Variants in GGPS1 observed in about 807,000 individuals in gnomAD.
GGPS1 encodes geranylgeranyl diphosphate synthase 1.
A neutral mutation model predicts 28.1 loss-of-function variants in GGPS1; 15 were observed. The observed-to-expected ratio is 0.53, with a 90% CI of 0.36 to 0.82. GGPS1 has a LOEUF of 0.82. GGPS1 is among the 40% of genes least tolerant of loss of function. The pLI, the probability that GGPS1 is intolerant of heterozygous loss-of-function variation, is 0.01. For synonymous variants in GGPS1, 138 were observed against 122.4 expected, an observed-to-expected ratio of 1.13 and a Z score of -0.84; for missense variants, 284 against 348.3, an observed-to-expected ratio of 0.82 and a Z score of 1.47.
intron 1 of GGPS1, chr1:235,330,557 A>G (rs1675681000): frequency 6.6e-6 from 1 of 152,176 alleles, no homozygotes; most frequent in South Asian, 2.1e-4. Flanking sequence ...CATACCACTG[A>G]AAATGCTTGT....
chr1:235,331,813 C>T (rs1171595790), intron 1 of GGPS1, among the ~76,000 whole-genome samples: 1 of 152,166 alleles, frequency 6.6e-6, no homozygotes, highest in Non-Finnish European at 1.5e-5. Context: ...ACAGTGCATA[C>T]ATATGTAGAA....
intron 2 of GGPS1, among the ~76,000 whole-genome samples, chr1:235,337,366 G>A (rs554733898): frequency 1.3e-5 from 2 of 152,204 alleles, no homozygotes; most frequent in African/African-American, 2.4e-5. Context: ...TGGAAATAAT[G>A]TTTTAAGACA....
At chr1:235,339,914 T>G (rs1387160746) in intron 2 of GGPS1, among the ~76,000 whole-genome samples, 1 of 152,214 alleles carries the variant, frequency 6.6e-6, no homozygotes, top group African/African-American at 2.4e-5. Flanking sequence ...ATGGTTTTTA[T>G]CTATCATTCC....
upstream of GGPS1, chr1:235,327,259 C>CCGG (rs1558319625): frequency 1.5e-5 from 3 of 206,364 alleles, no homozygotes; most frequent in African/African-American, 2.3e-5. Context: ...CACAACAAGC[C>CCGG]CGGCGTCCGG....
upstream of GGPS1, chr1:235,327,617 T>A (rs1675420933): frequency 6.6e-6 from 1 of 152,202 alleles, no homozygotes; most frequent in South Asian, 2.1e-4. Flanking sequence ...ACACAGCGGC[T>A]GCGGGGGGTG....
intron 1 of GGPS1, chr1:235,329,484 G>A (rs1675616581): frequency 6.6e-6 from 1 of 152,390 alleles, no homozygotes; most frequent in Non-Finnish European, 1.5e-5. Flanking sequence ...TCTTTAGGGA[G>A]GGAAAGGAAG....
intron 2 of GGPS1, among the ~76,000 whole-genome samples, chr1:235,340,452 A>G (rs1676000965): frequency 6.6e-6 from 1 of 151,418 alleles, no homozygotes; most frequent in African/African-American, 2.4e-5. Flanking sequence ...TCAAAAAAAA[A>G]AGCAAGAAGC....
chr1:235,343,998 G>A lies in GGPS1; in HGVS notation c.*1226G>A, dbSNP rs1445595850. ...CTTTAATCGCCCTGATTAAAGGAAA[G>A]TGTTAGCCTGAGAGGGCCTGACTGA... On this transcript the variant is annotated 3_prime_UTR_variant, in exon 4 of 4. Coordinates refer to ENST00000282841, the MANE Select transcript of GGPS1 (RefSeq NM_004837.4). The A allele has an allele frequency of 6.0e-6, 1 of 166,896 alleles. No homozygotes were observed. The highest frequency in any genetic ancestry group is 2.4e-5 in the African/African-American group (1 of 41,378). The allele number at this position is 166,896 out of a possible 1,614,324, so 10.3% of individuals were successfully genotyped here.
At chr1:235,331,999 ACT>A (rs1491294131) in intron 1 of GGPS1, among the ~76,000 whole-genome samples, 20 of 152,148 alleles carry the variant, frequency 1.3e-4, no homozygotes, top group African/African-American at 4.8e-4. Flanking sequence ...GCACTTCTAC[ACT>A]CGTAATTGTG....
upstream of GGPS1, chr1:235,328,288 G>A (rs1675506209): frequency 6.6e-6 from 1 of 150,808 alleles, no homozygotes; most frequent in Non-Finnish European, 1.5e-5. Flanking sequence ...GACGACCTTG[G>A]ATTGGTTAAA....
chr1:235,340,751 A>AAAC lies in GGPS1; in HGVS notation c.71-955_71-954insCAA, dbSNP rs1437282790. On this transcript the variant is annotated intron_variant, in intron 2 of 3. Transcript: ENST00000282841. ...ACTCCGTCTCAAAAAAAAAAAAAAA[A>AAAC]AAAAAAACAAGAAAGAAAAAAAGAA... Among the ~76,000 whole-genome samples, 625 of 149,734 alleles carry AAAC rather than the reference A, an allele frequency of 4.2e-3. 11 individuals are homozygous for AAAC. Among genetic ancestry groups the AAAC allele is most frequent in the African/African-American group, 0.015 (600 of 40,842 alleles).
chr1:235,334,275 A>G (rs1675803836), intron 1 of GGPS1, among the ~76,000 whole-genome samples: 1 of 152,234 alleles, frequency 6.6e-6, no homozygotes, highest in Non-Finnish European at 1.5e-5. Context: ...AGTTAAATAC[A>G]GAGGTATCTT....
intron 1 of GGPS1, among the ~76,000 whole-genome samples, chr1:235,334,238 A>G (rs1011011044): frequency 2.6e-5 from 4 of 152,202 alleles, no homozygotes; most frequent in Non-Finnish European, 5.9e-5. Context: ...CATTTAAAAA[A>G]GGATATGTTT....
At chr1:235,338,625 T>G (rs1202608031) in intron 2 of GGPS1, among the ~76,000 whole-genome samples, 1 of 152,084 alleles carries the variant, frequency 6.6e-6, no homozygotes, top group Non-Finnish European at 1.5e-5. Context: ...ATCCCAGCAC[T>G]TTGGGAGGCC....
chr1:235,330,289 C>G (rs1675670491), intron 1 of GGPS1: 1 of 152,126 alleles, frequency 6.6e-6, no homozygotes, highest in Admixed American at 6.5e-5. Flanking sequence ...TCGAGACCAT[C>G]CTGGCTAACA....
Position 235,342,844 on chromosome 1 carries a change from C to A in GGPS1, c.*72C>A. 9.3e-7 allele frequency: 1 copy of A among 1,076,874 alleles called. No individual in the cohort carries two copies. The highest frequency in any genetic ancestry group is 1.3e-6 in the Non-Finnish European group (1 of 746,252). The allele number at this position is 1,076,874 out of a possible 1,614,324, so 66.7% of individuals were successfully genotyped here. ...TTTTTTTTGTCTTTTAGCCTTACCACCTTTTAAAAAATTTGTTATTCTCCA... is the reference window on the plus strand; with the variant it reads ...TTTTTTTTGTCTTTTAGCCTTACCAACTTTTAAAAAATTTGTTATTCTCCA... On this transcript the variant is annotated 3_prime_UTR_variant, in exon 4 of 4. Transcript: ENST00000282841.
chr1:235,337,669 A>C (rs2103345587), intron 2 of GGPS1, among the ~76,000 whole-genome samples: 1 of 152,240 alleles, frequency 6.6e-6, no homozygotes, highest in Non-Finnish European at 1.5e-5. Context: ...TATCTACTAA[A>C]AATACAAATA....
chr1:235,330,049 C>T (rs1001092873), intron 1 of GGPS1: 7 of 152,238 alleles, frequency 4.6e-5, no homozygotes, highest in Non-Finnish European at 7.4e-5. Context: ...ACACTAATGC[C>T]TCTTTACATT....
chr1:235,331,568 T>C (rs544811196), intron 1 of GGPS1, among the ~76,000 whole-genome samples: 1 of 152,026 alleles, frequency 6.6e-6, no homozygotes, highest in Non-Finnish European at 1.5e-5. Flanking sequence ...AGAATTTGTA[T>C]GTTGTAAGTC....
Sources: allele counts gnomAD v4.1 joint callset (sites outside exome capture counted in the v4.1 genomes callset), GRCh38; gene constraint gnomAD v4.1.1; transcripts MANE v1.5; gene names NCBI Gene and HGNC (gene_info 2026-07-23, HGNC 2026-07-21).